HMG20A: variants seen among roughly 807,000 people sequenced by gnomAD.
The protein encoded by HMG20A is high mobility group 20A.
A neutral mutation model predicts 43.9 loss-of-function variants in HMG20A; 17 were observed. The ratio of observed to expected loss-of-function variants is 0.39; its 90% confidence interval spans 0.27 to 0.58. HMG20A has a LOEUF of 0.58. Among genes scored for constraint, HMG20A ranks in the 20% least tolerant of loss-of-function variants. The pLI, the probability that HMG20A is intolerant of heterozygous loss-of-function variation, is 0.59. For missense variants in HMG20A, 341 were observed against 438.2 expected (o/e 0.78, Z 1.98); for synonymous variants, 132 against 147.5 (o/e 0.89, Z 0.76).
chr15:77,439,951 A>G (rs965574018), intron 1 of HMG20A, among the ~76,000 whole-genome samples: 3 of 151,892 alleles, frequency 2.0e-5, no homozygotes, highest in East Asian at 3.9e-4. Flanking sequence ...CTCTTTTTCT[A>G]TAGCTATTGA....
chr15:77,456,303 G>C (rs2072653641), intron 1 of HMG20A, among the ~76,000 whole-genome samples: 1 of 152,082 alleles, frequency 6.6e-6, no homozygotes. Context: ...CTTCTTTTGA[G>C]GCATGGGAGC....
chr15:77,473,532 A>C (rs1041215729), intron 6 of HMG20A, among the ~76,000 whole-genome samples: 1 of 152,250 alleles, frequency 6.6e-6, no homozygotes, highest in African/African-American at 2.4e-5. Context: ...GGTGTCAGTC[A>C]TCTGACTCAT....
intron 1 of HMG20A, among the ~76,000 whole-genome samples, chr15:77,434,532 A>T (rs2073524832): frequency 6.6e-6 from 1 of 152,198 alleles, no homozygotes; most frequent in Admixed American, 6.5e-5. Context: ...ATAAATAGGA[A>T]AAAACAAATA....
rs560747398 is a variant in HMG20A at position 77,479,264 on chromosome 15, T to A, written c.993T>A (p.Asn331Lys). 6.2e-7 allele frequency: 1 copy of A among 1,614,104 alleles called. No individual in the cohort carries two copies. Reference sequence around the variant, plus strand: ...TTATTTTAGCTAATCCCCAAGACAATGAAAACTTCATAGCTACAGTTCGAG... The same window carrying A: ...TTATTTTAGCTAATCCCCAAGACAAAGAAAACTTCATAGCTACAGTTCGAG... ...HSIILANPQD[N>K]ENFIATVREV... Residue 331 changes from asparagine (N) to lysine (K), a missense_variant, in exon 9 of 10, where the codon AAT (asparagine) becomes AAA (lysine). Transcript: ENST00000336216.
chr15:77,498,145 G>C, the HMG20A span, among the ~76,000 whole-genome samples: 24 of 152,296 alleles, frequency 1.6e-4, no homozygotes, highest in South Asian at 2.7e-3. Context: ...TGCTGCTCCA[G>C]CATGTTTAAA....
intron 1 of HMG20A, among the ~76,000 whole-genome samples, chr15:77,422,397 C>G (rs1194392054): frequency 1.3e-5 from 2 of 152,158 alleles, no homozygotes; most frequent in Non-Finnish European, 2.9e-5. Flanking sequence ...GCGGGCAGAT[C>G]ACGAGGTCAG....
chr15:77,447,781 C>T (rs2073691086), intron 1 of HMG20A: 1 of 152,180 alleles, frequency 6.6e-6, no homozygotes, highest in Non-Finnish European at 1.5e-5. Flanking sequence ...CATCACTTGA[C>T]ACCATACACC....
the HMG20A span, among the ~76,000 whole-genome samples, chr15:77,510,013 C>T: frequency 1.3e-5 from 2 of 152,046 alleles, no homozygotes; most frequent in Non-Finnish European, 2.9e-5. Flanking sequence ...AAGGTTTCTA[C>T]CAGGGTTTCC....
At chr15:77,460,320 A>G (rs775620662) in intron 2 of HMG20A, among the ~76,000 whole-genome samples, 5 of 152,218 alleles carry the variant, frequency 3.3e-5, no homozygotes, top group African/African-American at 9.6e-5. Flanking sequence ...GATGAGCACA[A>G]TGTAAGAAGG....
At position 77,456,597 on chromosome 15, in the gene HMG20A, C is replaced by A. The variant is rs111850282; in HGVS notation, c.-4-1807C>A. ...TGGGAGGCTGAAGCACAAGAATCAC[C>A]TGAACCTGGGAGGCGTGGGCAACAG... On this transcript the variant is annotated intron_variant, in intron 1 of 9. Transcript: ENST00000336216. Among the ~76,000 whole-genome samples, 3 of 147,468 alleles carry A rather than the reference C, an allele frequency of 2.0e-5. No homozygotes were observed. In the Admixed American group the frequency reaches 2.1e-4, roughly 10 times the overall value.
chr15:77,477,567 G>A lies in HMG20A; in HGVS notation c.628G>A (p.Val210Ile), dbSNP rs1254484884. 1.2e-6 allele frequency: 2 copies of A among 1,610,318 alleles called. No homozygotes were observed. Among genetic ancestry groups the A allele is most frequent in the Admixed American group, 1.7e-5 (1 of 59,920 alleles). ...ATHDHEKETE[V>I]KERSVFDIPI... ...TCTTGATTCACAGAAAGAAACAGAG[G>A]TAAAGGAACGGTCTGTTTTTGACAT... Residue 210 changes from valine (V) to isoleucine (I), a missense_variant, in exon 7 of 10, where the codon GTA (valine) becomes ATA (isoleucine). Transcript: ENST00000336216.
At chr15:77,501,312 G>A in the HMG20A span, among the ~76,000 whole-genome samples, 2 of 152,298 alleles carry the variant, frequency 1.3e-5, no homozygotes, top group Non-Finnish European at 2.9e-5. Context: ...CCACCCCATT[G>A]AAGTTGCTCC....
rs1188439488 is a variant in HMG20A at position 77,464,234 on chromosome 15, A to T, written c.90-6A>T. 1.9e-6 allele frequency: 3 copies of T among 1,613,228 alleles called. No homozygotes were observed. Among genetic ancestry groups the T allele is most frequent in the Non-Finnish European group, 2.5e-6 (3 of 1,179,472 alleles). ...TGTGTTGTTGATACTTCTGCCTATT[A>T]TTCAGGTTAAATCACCCAGAGGTTC... On this transcript the variant is annotated splice_polypyrimidine_tract_variant and splice_region_variant and intron_variant, in intron 2 of 9. Coordinates refer to ENST00000336216, the MANE Select transcript of HMG20A (RefSeq NM_001304504.2).
chr15:77,474,948 C>T (rs1435882340), intron 6 of HMG20A, among the ~76,000 whole-genome samples: 1 of 152,142 alleles, frequency 6.6e-6, no homozygotes, highest in Non-Finnish European at 1.5e-5. Flanking sequence ...TATTCTTGCT[C>T]CTCTCAAATC....
At chr15:77,422,389 G>A (rs544964782) in intron 1 of HMG20A, among the ~76,000 whole-genome samples, 4 of 152,128 alleles carry the variant, frequency 2.6e-5, no homozygotes, top group African/African-American at 7.2e-5. Context: ...AGGCCTAGGC[G>A]GGCAGATCAC....
intron 1 of HMG20A, among the ~76,000 whole-genome samples, chr15:77,442,454 T>G (rs2073622912): frequency 6.6e-6 from 1 of 152,232 alleles, no homozygotes; most frequent in South Asian, 2.1e-4. Flanking sequence ...ATGATCCTTG[T>G]CCTGGCCTCG....
the HMG20A span, among the ~76,000 whole-genome samples, chr15:77,500,057 C>T: frequency 6.6e-6 from 1 of 152,072 alleles, no homozygotes; most frequent in East Asian, 1.9e-4. Context: ...TCTTGAACTC[C>T]TGACCTCAAA....
chr15:77,464,486 A>G (rs2072736764), intron 3 of HMG20A, 99 bp downstream of exon 3: 2 of 1,263,988 alleles, frequency 1.6e-6, no homozygotes, highest in Non-Finnish European at 2.2e-6. Context: ...TGACCTTCTT[A>G]TATTCTTAGG....
intron 8 of HMG20A, 60 bp downstream of exon 8, chr15:77,478,570 G>C (rs1313676962): frequency 1.5e-6 from 2 of 1,375,604 alleles, no homozygotes; most frequent in African/African-American, 2.8e-5. Flanking sequence ...GTGGAGTGGG[G>C]TGCTGTTTAT....
Sources: allele counts gnomAD v4.1 joint callset (sites outside exome capture counted in the v4.1 genomes callset), GRCh38; gene constraint gnomAD v4.1.1; transcripts MANE v1.5; gene names NCBI Gene and HGNC (gene_info 2026-07-23, HGNC 2026-07-21).